Variants in AGFG2 observed in about 807,000 individuals in gnomAD.
AGFG2 encodes the protein arf-GAP domain and FG repeat-containing protein 2.
Under a neutral mutation model 48.0 loss-of-function variants are expected in AGFG2, and 31 were observed. That is an observed-to-expected ratio of 0.65 (90% CI 0.49 to 0.87). The LOEUF is 0.87. AGFG2 is among the 40% of genes least tolerant of loss of function. The pLI, the probability that AGFG2 is intolerant of heterozygous loss-of-function variation, is 0.00. For synonymous variants in AGFG2, 229 were observed against 260.8 expected, an observed-to-expected ratio of 0.88 and a Z score of 1.18; for missense variants, 599 against 632.6, an observed-to-expected ratio of 0.95 and a Z score of 0.57.
intron 1 of AGFG2, among the ~76,000 whole-genome samples, chr7:100,540,683 T>C (rs781491157): frequency 2.6e-5 from 4 of 152,112 alleles, no homozygotes; most frequent in Non-Finnish European, 4.4e-5. Flanking sequence ...TTTTTAGTCT[T>C]ATTTTAAGAC....
At chr7:100,540,071 G>C (rs960830209) in intron 1 of AGFG2, among the ~76,000 whole-genome samples, 1 of 150,488 alleles carries the variant, frequency 6.6e-6, no homozygotes, top group Non-Finnish European at 1.5e-5. Flanking sequence ...GTGAGATGCA[G>C]AAGCCAGCTG....
chr7:100,562,436 C>A lies in AGFG2; in HGVS notation c.998+57C>A. 6.2e-7 allele frequency: 1 copy of A among 1,605,708 alleles called. No homozygotes were observed. The highest frequency in any genetic ancestry group is 8.5e-7 in the Non-Finnish European group (1 of 1,174,994). ...GGCAGGAGAGCCGCCCGAAGCCTGG[C>A]CATGTTCCTCCCAGCCCCATCGGCA... On this transcript the variant is annotated intron_variant, in intron 7 of 11. Coordinates refer to ENST00000300176, the MANE Select transcript of AGFG2 (RefSeq NM_006076.5). This position sits in a 1 kb window ranked among gnomAD's most constrained non-coding sequence, Gnocchi z 5.4.
intron 3 of AGFG2, among the ~76,000 whole-genome samples, chr7:100,551,071 T>TATATATATATATATATATATATA (rs1491536203): frequency 2.2e-5 from 2 of 90,414 alleles, no homozygotes; most frequent in African/African-American, 1.0e-4. Context: ...TATATATTTC[T>TATATATATATATATATATATATA]TTTTTTTTTT....
chr7:100,564,155 C>T, intron 10 of AGFG2, 63 bp from the exon 11 acceptor site: 2 of 1,567,844 alleles, frequency 1.3e-6, no homozygotes, highest in South Asian at 1.1e-5. Context: ...GGAGGGCCCC[C>T]CTTGCTGTCC....
rs1268115221 is a variant in AGFG2 at position 100,539,403 on chromosome 7, G to A, written c.57G>A (p.Lys19=). ...CGGGCGGCGGGGTCAGCGGGGGCAA[G>A]GCGGAGGCGGAGGCGGCCTCGGAGG... ...PGPGGGVSGG[K]AEAEAASEVW... Residue 19 remains lysine (K), a synonymous_variant, in exon 1 of 12, where the codon AAG becomes AAA. Transcript: ENST00000300176. The A allele has an allele frequency of 3.0e-6, 4 of 1,312,484 alleles. No individual in the cohort carries two copies. Among genetic ancestry groups the A allele is most frequent in the South Asian group, 2.1e-5 (1 of 47,102 alleles). The allele number at this position is 1,312,484 out of a possible 1,614,324, so 81.3% of individuals were successfully genotyped here.
At chr7:100,555,581 T>C in intron 5 of AGFG2, 29 bp from the exon 6 acceptor site, 2 of 1,606,564 alleles carry the variant, frequency 1.2e-6, no homozygotes, top group Non-Finnish European at 1.7e-6. Flanking sequence ...CAATTTTCTA[T>C]ATAACCTTTA....
At chr7:100,561,367 T>G (rs966060856) in intron 6 of AGFG2, among the ~76,000 whole-genome samples, 5 of 152,190 alleles carry the variant, frequency 3.3e-5, no homozygotes, top group African/African-American at 1.2e-4. Context: ...CCTCAAGTAA[T>G]CTGCTCGCCT....
At chr7:100,563,671 T>C (rs1375694209) in intron 9 of AGFG2, among the ~76,000 whole-genome samples, 163 bp from the exon 10 acceptor site, 1 of 152,126 alleles carries the variant, frequency 6.6e-6, no homozygotes, top group Non-Finnish European at 1.5e-5. Flanking sequence ...GGCAGGGTTG[T>C]TTGGTGGTGT....
chr7:100,540,093 A>C (rs1316122860), intron 1 of AGFG2, among the ~76,000 whole-genome samples: 1 of 151,670 alleles, frequency 6.6e-6, no homozygotes, highest in African/African-American at 2.4e-5. Flanking sequence ...AACTTGGTTG[A>C]AATTCCTATG....
chr7:100,561,627 C>T (rs1240801037), intron 6 of AGFG2, among the ~76,000 whole-genome samples: 1 of 152,218 alleles, frequency 6.6e-6, no homozygotes, highest in African/African-American at 2.4e-5. Context: ...GTAAGATTTC[C>T]ATGTGGGCCT....
chr7:100,545,586 A>T (rs1800495636), intron 1 of AGFG2, among the ~76,000 whole-genome samples: 1 of 152,230 alleles, frequency 6.6e-6, no homozygotes, highest in Non-Finnish European at 1.5e-5. Context: ...TTTCCATTGG[A>T]AAAACTTACT....
intron 11 of AGFG2, 63 bp from the exon 12 acceptor site, chr7:100,564,869 C>A: frequency 6.4e-7 from 1 of 1,572,726 alleles, no homozygotes; most frequent in South Asian, 1.1e-5. Context: ...CTCCTGGCTG[C>A]CTTTCTTCTA....
Position 100,562,878 on chromosome 7 carries a change from T to C in AGFG2, c.1103T>C (p.Phe368Ser). ...ACCTGGGCAGCCTTCACTAACCCTT[T>C]CACAGCTCCCGCCGCCCAGTCCCCG... is the stretch of plus-strand genomic sequence containing the variant. ...GLAFGAFTNP[F>S]TAPAAQSPLP... is the part of the protein sequence containing the mutation. The change falls in exon 9 of 12, where the codon TTC becomes TCC. Residue 368 changes from phenylalanine (F) to serine (S), a missense_variant. Transcript: ENST00000300176. The surrounding 1 kb of genome is among the most constrained non-coding windows in gnomAD (Gnocchi z 5.4). 6.2e-7 allele frequency: 1 copy of C among 1,614,068 alleles called. No homozygotes were observed. The highest frequency in any genetic ancestry group is 8.5e-7 in the Non-Finnish European group (1 of 1,179,958).
Position 100,539,453 on chromosome 7 carries a change from T to C in AGFG2, c.107T>C (p.Leu36Pro). 2.3e-6 allele frequency: 3 copies of C among 1,318,700 alleles called. No homozygotes were observed. Among genetic ancestry groups the C allele is most frequent in the South Asian group, 2.1e-5 (1 of 48,278 alleles). 81.7% of individuals were successfully genotyped at this position (1,318,700 alleles called of 1,614,324 possible). The change falls in exon 1 of 12, where the codon CTG becomes CCG. Residue 36 changes from leucine (L) to proline (P), a missense_variant. Transcript: ENST00000300176. ...GTGTGGTGCCGTCGGGTGCGGGAGC[T>C]GGGTGGCTGCAGCCAGGCCGGGAAC... is the stretch of plus-strand genomic sequence containing the variant. Reference protein sequence around the residue: ...SEVWCRRVRELGGCSQAGNRH... With the variant: ...SEVWCRRVREPGGCSQAGNRH...
At chr7:100,539,782 T>C (rs1038442527) in intron 1 of AGFG2, among the ~76,000 whole-genome samples, 1 of 151,610 alleles carries the variant, frequency 6.6e-6, no homozygotes, top group African/African-American at 2.4e-5. Context: ...GGAGTCGCTC[T>C]GCGGAGAGAA....
intron 5 of AGFG2, 44 bp from the exon 6 acceptor site, chr7:100,555,566 C>G (rs920189153): frequency 1.3e-6 from 2 of 1,589,572 alleles, no homozygotes; most frequent in African/African-American, 1.3e-5. Flanking sequence ...AGCTACCACA[C>G]CCGACAATTT....
At chr7:100,563,039 C>T in intron 9 of AGFG2, 93 bp downstream of exon 9, 1 of 1,283,090 alleles carries the variant, frequency 7.8e-7, no homozygotes, top group Admixed American at 2.1e-5. Flanking sequence ...TTGTCTCACG[C>T]TGTCAGGAGA....
chr7:100,545,599 A>C (rs556456591), intron 1 of AGFG2, among the ~76,000 whole-genome samples: 3 of 152,324 alleles, frequency 2.0e-5, no homozygotes, highest in East Asian at 3.9e-4. Context: ...AACTTACTCT[A>C]TTCTGAGAAA....
At chr7:100,543,189 C>T (rs1317725362) in intron 1 of AGFG2, among the ~76,000 whole-genome samples, 2 of 152,130 alleles carry the variant, frequency 1.3e-5, no homozygotes, top group Non-Finnish European at 2.9e-5. Context: ...TCAGCCTCCC[C>T]AGGTAGCTGG....
Sources: allele counts gnomAD v4.1 joint callset (sites outside exome capture counted in the v4.1 genomes callset), GRCh38; gene constraint gnomAD v4.1.1; non-coding constraint Gnocchi (gnomAD v3.1); transcripts MANE v1.5; gene names NCBI Gene and HGNC (gene_info 2026-07-23, HGNC 2026-07-21).